PCDHA7: variants seen among roughly 807,000 people sequenced by gnomAD.
The protein encoded by PCDHA7 is protocadherin alpha-7.
In PCDHA7, 37 loss-of-function variants were observed where a neutral mutation model predicts 57.2. The ratio of observed to expected loss-of-function variants is 0.65; its 90% CI spans 0.50 to 0.85. The LOEUF (loss-of-function observed/expected upper bound fraction) is 0.85, where lower values mean the gene tolerates loss of function less well. Ranked by LOEUF, PCDHA7 falls within the 40% of genes least tolerant of loss-of-function variation. The pLI is 0.00. For synonymous variants in PCDHA7, 553 were observed against 558.8 expected, an observed-to-expected ratio of 0.99 and a Z score of 0.15; for missense variants, 1,188 against 1,241.8, an observed-to-expected ratio of 0.96 and a Z score of 0.65.
intron 1 of PCDHA7, chr5:140,929,973 G>A (rs955255771): frequency 6.6e-6 from 1 of 152,136 alleles, no homozygotes; most frequent in Non-Finnish European, 1.5e-5. Context: ...TTTGGTGAAG[G>A]TGTCTTCTTT....
intron 1 of PCDHA7, chr5:140,858,267 C>G: frequency 6.3e-7 from 1 of 1,597,232 alleles, no homozygotes; most frequent in Non-Finnish European, 8.6e-7. Context: ...CTGGTGTGCT[C>G]TAGCGCGGTG....
chr5:140,834,375 T>G lies in PCDHA7; in HGVS notation c.-9T>G. On this transcript the variant is annotated 5_prime_UTR_variant, in exon 1 of 4. Coordinates refer to ENST00000525929, the MANE Select transcript of PCDHA7 (RefSeq NM_018910.3). ...TTTGCTGACTAGAAAAACAAGCCAATAATTTGAAATGGTGTGCCCGAATGG... is the reference window on the plus strand; with the variant it reads ...TTTGCTGACTAGAAAAACAAGCCAAGAATTTGAAATGGTGTGCCCGAATGG... The G allele has an allele frequency of 1.3e-6, 2 of 1,560,406 alleles. No homozygotes were observed. Among genetic ancestry groups the G allele is most frequent in the South Asian group, 2.4e-5 (2 of 82,734 alleles).
chr5:140,894,675 A>G lies in PCDHA7; in HGVS notation c.2355+57937A>G, dbSNP rs78197412. Reference sequence around the variant, plus strand: ...CTAATTCTGATTTGTGTATTCTTGCATAGCTTTTCATTATTTTCTAAAAAT... The same window carrying G: ...CTAATTCTGATTTGTGTATTCTTGCGTAGCTTTTCATTATTTTCTAAAAAT... On this transcript the variant is annotated intron_variant, in intron 1 of 3. Coordinates refer to ENST00000525929, the MANE Select transcript of PCDHA7 (RefSeq NM_018910.3). 4.6e-3 allele frequency among the ~76,000 whole-genome samples: 702 copies of G among 151,998 alleles called. 3 individuals carry two copies. The highest frequency in any genetic ancestry group is 0.016 in the African/African-American group (679 of 41,480).
rs782727100 is a variant in PCDHA7, at chr5:140,877,121, C to G, written c.2355+40383C>G. 12 of 1,613,694 alleles carry G rather than the reference C, an allele frequency of 7.4e-6. No homozygotes were observed. In the South Asian group the frequency reaches 8.8e-5, roughly 12 times the overall value. ...GTGCCGCCTCTGGGCAGCAACGTGA[C>G]GCTGCAGGTGTTCGTGCTGGACGAG... is the stretch of plus-strand genomic sequence containing the variant. On this transcript the variant is annotated intron_variant, in intron 1 of 3. Coordinates refer to ENST00000525929, the MANE Select transcript of PCDHA7 (RefSeq NM_018910.3).
intron 3 of PCDHA7, among the ~76,000 whole-genome samples, chr5:140,986,404 G>GT (rs2097199196): frequency 6.6e-6 from 1 of 152,190 alleles, no homozygotes; most frequent in Non-Finnish European, 1.5e-5. Context: ...AGTCGCTCAT[G>GT]TTACAGCTCT....
chr5:140,950,720 T>C (rs2094512536), intron 1 of PCDHA7, among the ~76,000 whole-genome samples: 1 of 152,106 alleles, frequency 6.6e-6, no homozygotes, highest in South Asian at 2.1e-4. Flanking sequence ...CTTATATCCT[T>C]AAATTTTTTA....
In PCDHA7 at chr5:140,850,682, G is replaced by C. The variant is rs2150493727; in HGVS notation, c.2355+13944G>C. On this transcript the variant is annotated intron_variant, in intron 1 of 3. Coordinates refer to ENST00000525929, the MANE Select transcript of PCDHA7 (RefSeq NM_018910.3). The stretch of plus-strand genomic sequence containing the variant: ...TGCGGTGCTCGGCGATGCCCACCGA[G>C]GGCGAGTGCGCGCCTGGCAAGCCGA... The C allele has an allele frequency of 3.1e-5, 50 of 1,598,558 alleles. 3 individuals carry two copies. In the East Asian group the frequency reaches 1.1e-3, roughly 35 times the overall value.
At chr5:140,875,921 C>T (rs782082764) in intron 1 of PCDHA7, 57 of 1,614,110 alleles carry the variant, frequency 3.5e-5, no homozygotes, top group Non-Finnish European at 4.8e-5. Context: ...CCTCTGGACT[C>T]TCATTTTCCT....
chr5:140,933,900 G>T (rs941556210), intron 1 of PCDHA7, among the ~76,000 whole-genome samples: 1 of 151,518 alleles, frequency 6.6e-6, no homozygotes, highest in South Asian at 2.1e-4. Flanking sequence ...GAATATTTTG[G>T]CATAAAGTTG....
chr5:140,862,824 G>A, intron 1 of PCDHA7: 1 of 571,890 alleles, frequency 1.7e-6, no homozygotes, highest in Non-Finnish European at 3.4e-6. Context: ...AGGTGAGAGC[G>A]CGCGACGCGG....
intron 1 of PCDHA7, chr5:140,847,362 C>T (rs1444226307): frequency 6.7e-6 from 1 of 149,420 alleles, no homozygotes; most frequent in Non-Finnish European, 1.5e-5. Context: ...AGTAGAAATA[C>T]GAAATAAAAG....
chr5:140,927,277 G>T, intron 1 of PCDHA7: 1 of 1,614,016 alleles, frequency 6.2e-7, no homozygotes, highest in Non-Finnish European at 8.5e-7. Context: ...TGCCGGCGAC[G>T]TGCAGCTGCA....
At chr5:140,870,099 C>T in intron 1 of PCDHA7, 8 of 1,613,912 alleles carry the variant, frequency 5.0e-6, no homozygotes, top group Non-Finnish European at 6.8e-6. Context: ...TGGCAGGTCA[C>T]TGTACAGTCT....
chr5:140,868,933 T>C, intron 1 of PCDHA7: 1 of 1,104,696 alleles, frequency 9.1e-7, no homozygotes, highest in Non-Finnish European at 1.3e-6. Flanking sequence ...ATTTAAAGGT[T>C]GGTCTGAACA....
At chr5:140,967,885 A>G in intron 1 of PCDHA7, 1 of 1,614,134 alleles carries the variant, frequency 6.2e-7, no homozygotes, top group South Asian at 1.1e-5. Context: ...TGTATAGCCC[A>G]GTGCCTGAGA....
intron 1 of PCDHA7, among the ~76,000 whole-genome samples, chr5:140,963,229 G>A (rs1211084766): frequency 2.6e-5 from 4 of 152,134 alleles, no homozygotes; most frequent in African/African-American, 7.2e-5. Context: ...AGTAGACACT[G>A]TTTGATGGAT....
intron 3 of PCDHA7, among the ~76,000 whole-genome samples, chr5:140,994,117 G>C (rs889813029): frequency 6.6e-6 from 1 of 152,198 alleles, no homozygotes; most frequent in Non-Finnish European, 1.5e-5. Flanking sequence ...ATTGTCATGT[G>C]ATAAGGGCGA....
chr5:140,882,234 T>C, intron 1 of PCDHA7: 1 of 1,579,306 alleles, frequency 6.3e-7, no homozygotes, highest in Non-Finnish European at 8.6e-7. Flanking sequence ...GCGTTGTATA[T>C]ATTGCAGATA....
intron 1 of PCDHA7, chr5:140,863,374 A>C: frequency 5.3e-5 from 60 of 1,135,154 alleles, no homozygotes; most frequent in Non-Finnish European, 7.5e-5. Flanking sequence ...GGCGCAGCTC[A>C]CCGAGAGCTC....
Sources: gnomAD v4.1 joint callset for allele counts (sites outside exome capture counted in the v4.1 genomes callset) on GRCh38, gnomAD v4.1.1 for gene constraint, MANE v1.5 for transcripts, NCBI Gene and HGNC (gene_info 2026-07-23, HGNC 2026-07-21) for gene names.